CCL17: variants seen among roughly 807,000 people sequenced by gnomAD.
CCL17 encodes the protein C-C motif chemokine ligand 17.
Under a neutral mutation model 7.4 loss-of-function variants are expected in CCL17, and 8 were observed. That is an observed-to-expected ratio of 1.09 (90% CI 0.64 to 1.96). The LOEUF is 1.96. CCL17 is among the 30% of genes most tolerant of loss of function. CCL17 has a pLI of 0.00. For synonymous variants in CCL17, 40 were observed against 46.1 expected (o/e 0.87, Z 0.54); for missense variants, 102 against 113.0 (o/e 0.90, Z 0.44).
chr16:57,405,600 G>C (rs1902682649), intron 1 of CCL17, among the ~76,000 whole-genome samples: 1 of 152,176 alleles, frequency 6.6e-6, no homozygotes, highest in South Asian at 2.1e-4. Flanking sequence ...GTTAGTGTGG[G>C]GGACAGAACT....
upstream of CCL17, among the ~76,000 whole-genome samples, chr16:57,401,525 A>G (rs918838999): frequency 1.5e-4 from 19 of 130,406 alleles, no homozygotes; most frequent in African/African-American, 5.0e-4. Context: ...CTCTGTCTGG[A>G]AAAAAAAAAA....
chr16:57,399,710 A>C, the CCL17 span, among the ~76,000 whole-genome samples: 2 of 152,150 alleles, frequency 1.3e-5, no homozygotes, highest in Non-Finnish European at 2.9e-5. Context: ...TGGCCTCCCA[A>C]GTGTTGGTAT....
chr16:57,402,708 G>T (rs939139680), upstream of CCL17, among the ~76,000 whole-genome samples: 4 of 152,090 alleles, frequency 2.6e-5, no homozygotes, highest in Non-Finnish European at 5.9e-5. Flanking sequence ...CAGAAGTCCT[G>T]GAGCCCAGGC....
chr16:57,402,592 C>T (rs111846786), upstream of CCL17, among the ~76,000 whole-genome samples: 410 of 152,274 alleles, frequency 2.7e-3, 3 homozygotes, highest in African/African-American at 9.5e-3. Context: ...GGACCATAGA[C>T]CTGCCTTTGA....
In CCL17 at chr16:57,416,043, A is replaced by G; in HGVS notation, c.*182A>G. 1 of 580,222 alleles carries G rather than the reference A, an allele frequency of 1.7e-6. No individual in the cohort carries two copies. 35.9% of individuals were successfully genotyped at this position (580,222 alleles called of 1,614,324 possible). A position where few individuals can be genotyped will look rare whatever the true frequency, so the allele number is the denominator to read the frequency against. ...CTGGAGCCATGGGCACAAAGGGCCCAGATTAAAGTCTTTATCCTCAGTCTG... is the reference window on the plus strand; with the variant it reads ...CTGGAGCCATGGGCACAAAGGGCCCGGATTAAAGTCTTTATCCTCAGTCTG... On this transcript the variant is annotated 3_prime_UTR_variant, in exon 4 of 4. Transcript: ENST00000219244.
chr16:57,405,884 A>AG (rs1902687712), intron 1 of CCL17, among the ~76,000 whole-genome samples: 2 of 150,646 alleles, frequency 1.3e-5, no homozygotes, highest in Admixed American at 6.6e-5. Flanking sequence ...ATACAAAAAA[A>AG]AAAAAAAATT....
intron 1 of CCL17, among the ~76,000 whole-genome samples, chr16:57,408,046 T>C (rs1598011144): frequency 6.7e-6 from 1 of 149,758 alleles, no homozygotes; most frequent in African/African-American, 2.5e-5. Flanking sequence ...TTTATTCTTT[T>C]GCCATCCATC....
chr16:57,406,494 G>A (rs1466944863), intron 1 of CCL17, among the ~76,000 whole-genome samples: 3 of 152,108 alleles, frequency 2.0e-5, no homozygotes, highest in African/African-American at 7.2e-5. Flanking sequence ...AAGCTGTTGT[G>A]AGGACAAAGT....
intron 1 of CCL17, among the ~76,000 whole-genome samples, chr16:57,410,981 C>G (rs74019513): frequency 6.6e-6 from 1 of 152,204 alleles, no homozygotes; most frequent in Non-Finnish European, 1.5e-5. Flanking sequence ...TGCCCCATGC[C>G]GGGGTTTCAT....
upstream of CCL17, among the ~76,000 whole-genome samples, chr16:57,403,563 A>ATATTTTATAATATATATT (rs1265164265): frequency 9.4e-5 from 4 of 42,448 alleles, no homozygotes; most frequent in African/African-American, 5.2e-4. Context: ...ATATATATAT[A>ATATTTTATAATATATATT]ATATATATTT....
chr16:57,408,333 C>A (rs765107690), intron 1 of CCL17, among the ~76,000 whole-genome samples: 2 of 152,190 alleles, frequency 1.3e-5, no homozygotes, highest in African/African-American at 2.4e-5. Flanking sequence ...TCCATTCACT[C>A]ATTTACCCAT....
At chr16:57,408,718 G>A (rs1452226214) in intron 1 of CCL17, among the ~76,000 whole-genome samples, 2 of 146,082 alleles carry the variant, frequency 1.4e-5, no homozygotes, top group South Asian at 2.2e-4. Context: ...ACAGGCACAC[G>A]CCACCACACC....
Position 57,415,728 on chromosome 16 carries a change from C to A in CCL17, c.189-37C>A. 1 of 1,395,348 alleles carries A rather than the reference C, an allele frequency of 7.2e-7. No individual in the cohort carries two copies. The highest frequency in any genetic ancestry group is 1.0e-6 in the Non-Finnish European group (1 of 980,596). The allele number at this position is 1,395,348 out of a possible 1,614,324, so 86.4% of individuals were successfully genotyped here. The stretch of plus-strand genomic sequence containing the variant: ...CCCAGGGACTCTGGGGGCCCTTCCC[C>A]CCCTGCCACTCCTGGTAACGTCCTC... On this transcript the variant is annotated intron_variant, in intron 3 of 3. Coordinates refer to ENST00000219244, the MANE Select transcript of CCL17 (RefSeq NM_002987.3). The surrounding 1 kb of genome is among the most constrained non-coding windows in gnomAD (Gnocchi z 4.5).
chr16:57,413,924 C>T lies in CCL17; in HGVS notation c.-9C>T, dbSNP rs1232442555. On this transcript the variant is annotated 5_prime_UTR_variant, in exon 2 of 4. Coordinates refer to ENST00000219244, the MANE Select transcript of CCL17 (RefSeq NM_002987.3). ...GCACACAGAGACTCCCTCCTGGGCT[C>T]CTGGCACCATGGCCCCACTGAAGAT... 3.7e-6 allele frequency: 6 copies of T among 1,603,898 alleles called. No homozygotes were observed. Among genetic ancestry groups the T allele is most frequent in the South Asian group, 3.4e-5 (3 of 88,878 alleles).
At chr16:57,404,162 A>C (rs72792969), upstream of CCL17, among the ~76,000 whole-genome samples, 1 of 152,062 alleles carries the variant, frequency 6.6e-6, no homozygotes, top group Admixed American at 6.5e-5. Flanking sequence ...AGGGCACAGA[A>C]CTCGCGGGGC....
chr16:57,412,208 C>T (rs765895862), intron 1 of CCL17, among the ~76,000 whole-genome samples: 115 of 152,196 alleles, frequency 7.6e-4, no homozygotes, highest in Non-Finnish European at 1.6e-3. Context: ...GTCTGTGAGC[C>T]GCCGGAGGTC....
intron 1 of CCL17, among the ~76,000 whole-genome samples, chr16:57,405,342 G>A (rs553079886): frequency 6.6e-6 from 1 of 152,174 alleles, no homozygotes; most frequent in African/African-American, 2.4e-5. Flanking sequence ...AAGGAAGCAA[G>A]GAAGCCAAGC....
At chr16:57,400,190 T>G (rs1567559882), upstream of CCL17, among the ~76,000 whole-genome samples, 1 of 152,158 alleles carries the variant, frequency 6.6e-6, no homozygotes, top group East Asian at 1.9e-4. Flanking sequence ...AAACCCTATC[T>G]CTACTAAAAA....
chr16:57,409,922 G>A (rs1902757000), intron 1 of CCL17, among the ~76,000 whole-genome samples: 1 of 152,178 alleles, frequency 6.6e-6, no homozygotes, highest in Non-Finnish European at 1.5e-5. Context: ...TCCAGTTTCA[G>A]CTGTCAGCGA....
Sources: gnomAD v4.1 joint callset for allele counts (sites outside exome capture counted in the v4.1 genomes callset) on GRCh38, gnomAD v4.1.1 for gene constraint, Gnocchi (gnomAD v3.1) non-coding constraint, MANE v1.5 for transcripts, NCBI Gene and HGNC (gene_info 2026-07-23, HGNC 2026-07-21) for gene names.